The following CACNA2D1 variants were observed in gnomAD, a reference collection of about 807,000 sequenced individuals.
CACNA2D1 encodes the protein voltage-dependent calcium channel subunit alpha-2/delta-1.
CACNA2D1 carries 53 observed loss-of-function variants against 171.5 expected under a neutral mutation model. That is an observed-to-expected ratio of 0.31 (90% confidence interval 0.25 to 0.39). The LOEUF (loss-of-function observed/expected upper bound fraction) is 0.39, where lower values mean the gene tolerates loss of function less well. Among genes scored for constraint, CACNA2D1 ranks in the 10% least tolerant of loss-of-function variants. The pLI is 1.00. For synonymous variants in CACNA2D1, 442 were observed against 443.1 expected (o/e 1.00, Z 0.03); for missense variants, 903 against 1,299.8 (o/e 0.69, Z 4.69).
chr7:82,270,222 T>C (rs1164995341), intron 3 of CACNA2D1, among the ~76,000 whole-genome samples: 5 of 152,172 alleles, frequency 3.3e-5, no homozygotes, highest in Non-Finnish European at 7.4e-5. Flanking sequence ...AACATCTTCA[T>C]GCTCTTGAGT....
Position 82,216,559 on chromosome 7 carries a change from C to T in CACNA2D1, c.295-45950G>A, listed in dbSNP as rs141388717. On this transcript the variant is annotated intron_variant, in intron 3 of 38. Coordinates refer to ENST00000356860, the MANE Select transcript of CACNA2D1 (RefSeq NM_000722.4). ...ATATTCATGAGATATTTTATTATAA[C>T]TACTCCAAACTTTCCTTTTTTCAAA... Among the ~76,000 whole-genome samples the T allele has an allele frequency of 3.4e-3, 516 of 152,216 alleles. 3 individuals carry two copies. Among genetic ancestry groups the T allele is most frequent in the African/African-American group, 0.012 (482 of 41,540 alleles).
At chr7:82,378,456 A>G (rs1823270577) in intron 1 of CACNA2D1, among the ~76,000 whole-genome samples, 1 of 152,220 alleles carries the variant, frequency 6.6e-6, no homozygotes, top group Non-Finnish European at 1.5e-5. Context: ...GCTCAATAGC[A>G]GTTATTGTAA....
chr7:82,225,624 AAG>A (rs1802278130), intron 3 of CACNA2D1, among the ~76,000 whole-genome samples: 1 of 152,208 alleles, frequency 6.6e-6, no homozygotes, highest in African/African-American at 2.4e-5. Flanking sequence ...TTACACATAT[AAG>A]TTTATATGGA....
chr7:82,185,182 C>A (rs151076098), intron 3 of CACNA2D1, among the ~76,000 whole-genome samples: 1 of 151,996 alleles, frequency 6.6e-6, no homozygotes, highest in East Asian at 1.9e-4. Context: ...GTCAAATAAC[C>A]AATTAAGCAT....
intron 1 of CACNA2D1, among the ~76,000 whole-genome samples, chr7:82,380,255 T>C (rs999788578): frequency 6.6e-6 from 1 of 152,156 alleles, no homozygotes; most frequent in Non-Finnish European, 1.5e-5. Context: ...ACTGGAAAGG[T>C]AGAAAACATC....
At chr7:82,233,391 A>T (rs1348628223) in intron 3 of CACNA2D1, among the ~76,000 whole-genome samples, 1 of 152,204 alleles carries the variant, frequency 6.6e-6, no homozygotes, top group Non-Finnish European at 1.5e-5. Flanking sequence ...ATGCATTCAC[A>T]TCAAAAAACA....
At chr7:82,045,488 A>G (rs1183715590) in intron 10 of CACNA2D1, among the ~76,000 whole-genome samples, 1 of 152,176 alleles carries the variant, frequency 6.6e-6, no homozygotes, top group Non-Finnish European at 1.5e-5. Context: ...GGGTTTTGGT[A>G]TATAGTCATG....
intron 21 of CACNA2D1, 101 bp from the exon 22 acceptor site, chr7:81,984,812 C>CT (rs1796790073): frequency 5.6e-6 from 4 of 719,692 alleles, no homozygotes; most frequent in Non-Finnish European, 1.0e-5. Context: ...AAAGATCTTC[C>CT]TCATGGGAAG....
At chr7:82,001,616 C>G (rs1226566303) in intron 18 of CACNA2D1, 2 of 754,718 alleles carry the variant, frequency 2.7e-6, no homozygotes, top group Non-Finnish European at 2.0e-6. Flanking sequence ...TTGGATTTAG[C>G]AAATTTGAAA....
At chr7:82,231,533 C>T (rs1481961063) in intron 3 of CACNA2D1, among the ~76,000 whole-genome samples, 1 of 152,012 alleles carries the variant, frequency 6.6e-6, no homozygotes, top group African/African-American at 2.4e-5. Context: ...ACACATAGCA[C>T]CATGGTAAGC....
At position 81,983,481 on chromosome 7, in the gene CACNA2D1, G is replaced by C; in HGVS notation, c.1874-147C>G. On this transcript the variant is annotated intron_variant, in intron 22 of 38. Coordinates refer to ENST00000356860, the MANE Select transcript of CACNA2D1 (RefSeq NM_000722.4). ...AAAGGTTCATTTATGTACAGCTGTA[G>C]TCTGAGGAAAAAAAAGACATATTTT... 5 of 687,498 alleles carry C rather than the reference G, an allele frequency of 7.3e-6. 1 individual carries two copies. In the East Asian group the frequency reaches 1.4e-4, roughly 19 times the overall value. The allele number at this position is 687,498 out of a possible 1,614,324, so 42.6% of individuals were successfully genotyped here.
chr7:82,224,354 G>A (rs558576716), intron 3 of CACNA2D1, among the ~76,000 whole-genome samples: 2 of 152,246 alleles, frequency 1.3e-5, no homozygotes, highest in South Asian at 2.1e-4. Flanking sequence ...TTGGGAGGCC[G>A]AGGCGGGCGG....
At chr7:82,387,537 G>A (rs1824546662) in intron 1 of CACNA2D1, among the ~76,000 whole-genome samples, 1 of 152,122 alleles carries the variant, frequency 6.6e-6, no homozygotes, top group African/African-American at 2.4e-5. Flanking sequence ...GAAGTGCCAA[G>A]GGTGATAAAT....
intron 3 of CACNA2D1, among the ~76,000 whole-genome samples, chr7:82,259,841 C>G (rs1040412080): frequency 6.6e-6 from 1 of 152,108 alleles, no homozygotes; most frequent in African/African-American, 2.4e-5. Flanking sequence ...GTTACTTAAC[C>G]TCTGTTTTGT....
At chr7:82,405,635 A>G (rs1207870479) in intron 1 of CACNA2D1, among the ~76,000 whole-genome samples, 1 of 152,230 alleles carries the variant, frequency 6.6e-6, no homozygotes, top group Non-Finnish European at 1.5e-5. Context: ...ATGTACTTAC[A>G]TATTAAAAAA....
intron 1 of CACNA2D1, among the ~76,000 whole-genome samples, chr7:82,364,003 G>T (rs1821396383): frequency 6.6e-6 from 1 of 152,166 alleles, no homozygotes; most frequent in Non-Finnish European, 1.5e-5. Context: ...GGAGGCCGAG[G>T]TGGACAGATT....
intron 2 of CACNA2D1, 108 bp from the exon 3 acceptor site, chr7:82,335,359 C>G (rs1817864057): frequency 2.7e-6 from 2 of 728,632 alleles, no homozygotes; most frequent in African/African-American, 3.5e-5. Flanking sequence ...GAAACACCAC[C>G]CTGTTCTTTA....
chr7:82,338,594 A>G (rs1251913247), intron 2 of CACNA2D1, among the ~76,000 whole-genome samples: 1 of 152,190 alleles, frequency 6.6e-6, no homozygotes, highest in African/African-American at 2.4e-5. Context: ...TCTATAATAT[A>G]CATTTAATTA....
intron 3 of CACNA2D1, among the ~76,000 whole-genome samples, chr7:82,213,512 T>C (rs367892942): frequency 6.6e-6 from 1 of 152,152 alleles, no homozygotes; most frequent in East Asian, 1.9e-4. Context: ...AAACACCCAC[T>C]AGATTTGAAA....
Sources: allele counts gnomAD v4.1 joint callset (sites outside exome capture counted in the v4.1 genomes callset), GRCh38; gene constraint gnomAD v4.1.1; transcripts MANE v1.5; gene names NCBI Gene and HGNC (gene_info 2026-07-23, HGNC 2026-07-21).